AGBL4: variants seen among roughly 807,000 people sequenced by gnomAD.
The protein encoded by AGBL4 is AGBL carboxypeptidase 4.
AGBL4 carries 58 observed loss-of-function variants against 66.4 expected under a neutral mutation model. The ratio of observed to expected loss-of-function variants is 0.87; its 90% CI spans 0.71 to 1.09. The LOEUF is 1.09. AGBL4 is among the 50% of genes least tolerant of loss of function. AGBL4 has a pLI of 0.00. For missense variants in AGBL4, 579 were observed against 631.0 expected (o/e 0.92, Z 0.88); for synonymous variants, 234 against 222.9 (o/e 1.05, Z -0.44).
rs550525079 is a variant in AGBL4, at chr1:49,533,777, C to T, written c.282+163536G>A. 1.1e-4 allele frequency among the ~76,000 whole-genome samples: 16 copies of T among 152,102 alleles called. No homozygotes were observed. The South Asian group carries it at 3.3e-3, about 32-fold the overall frequency. ...TTGCCCGCTTCAACATCCACAAATTCCCTCATATTCTTGTCTGCTGGGTTT... is the reference window on the plus strand; with the variant it reads ...TTGCCCGCTTCAACATCCACAAATTTCCTCATATTCTTGTCTGCTGGGTTT... On this transcript the variant is annotated intron_variant, in intron 3 of 13. Transcript: ENST00000371839.
chr1:49,663,397 G>A (rs563775808), intron 3 of AGBL4, among the ~76,000 whole-genome samples: 44 of 152,132 alleles, frequency 2.9e-4, no homozygotes, highest in African/African-American at 1.0e-3. Flanking sequence ...AAAGTGGGTC[G>A]GATTTTTCAA....
chr1:48,818,156 T>A lies in AGBL4; in HGVS notation c.634+49035A>T, dbSNP rs778827645. 13 of 715,540 alleles carry A rather than the reference T, an allele frequency of 1.8e-5. No homozygotes were observed. The South Asian group carries it at 1.9e-4, about 11-fold the overall frequency. The allele number at this position is 715,540 out of a possible 1,614,324, so 44.3% of individuals were successfully genotyped here. A position where few individuals can be genotyped will look rare whatever the true frequency, so the allele number is the denominator to read the frequency against. On this transcript the variant is annotated intron_variant, in intron 6 of 13. Coordinates refer to ENST00000371839, the MANE Select transcript of AGBL4 (RefSeq NM_032785.4). ...GAGATTAGGTCAAATTCATATCTGA[T>A]AGTCAAATTTGGAAAGGCCACCATT...
intron 6 of AGBL4, among the ~76,000 whole-genome samples, chr1:48,838,343 T>C (rs1350246815): frequency 6.6e-6 from 1 of 151,988 alleles, no homozygotes; most frequent in African/African-American, 2.4e-5. Flanking sequence ...AAAACAGACA[T>C]ATAGACCAGT....
At chr1:48,611,559 C>G (rs1341378268) in intron 9 of AGBL4, among the ~76,000 whole-genome samples, 1 of 152,218 alleles carries the variant, frequency 6.6e-6, no homozygotes, top group Admixed American at 6.5e-5. Flanking sequence ...TAGTACCCGG[C>G]TAGCTGTTAG....
At chr1:49,514,968 C>G (rs61783603) in intron 3 of AGBL4, among the ~76,000 whole-genome samples, 1 of 151,956 alleles carries the variant, frequency 6.6e-6, no homozygotes, top group African/African-American at 2.4e-5. Context: ...ATTCAGGACA[C>G]AGGCATGGGC....
At chr1:50,010,864 A>C (rs1661481980) in intron 1 of AGBL4, among the ~76,000 whole-genome samples, 1 of 152,212 alleles carries the variant, frequency 6.6e-6, no homozygotes, top group East Asian at 1.9e-4. Context: ...CTATAAAACT[A>C]CTACAAGAAA....
intron 5 of AGBL4, among the ~76,000 whole-genome samples, chr1:49,029,173 T>C (rs2149032677): frequency 6.6e-6 from 1 of 152,264 alleles, no homozygotes; most frequent in South Asian, 2.1e-4. Context: ...AGTCTGCTCT[T>C]GCCACTTCTA....
At chr1:50,021,778 T>A (rs568108313) in intron 1 of AGBL4, among the ~76,000 whole-genome samples, 1 of 152,228 alleles carries the variant, frequency 6.6e-6, no homozygotes, top group East Asian at 1.9e-4. Context: ...CTCTCCACAT[T>A]GTAGCCAGAG....
intron 3 of AGBL4, among the ~76,000 whole-genome samples, chr1:49,425,826 G>A (rs1365058153): frequency 1.3e-5 from 2 of 152,192 alleles, no homozygotes; most frequent in African/African-American, 4.8e-5. Flanking sequence ...AATGTAAAGT[G>A]CATGGTACAG....
intron 3 of AGBL4, among the ~76,000 whole-genome samples, chr1:49,639,197 C>G (rs1188077302): frequency 6.6e-6 from 1 of 152,098 alleles, no homozygotes; most frequent in Non-Finnish European, 1.5e-5. Flanking sequence ...GGCATAACAC[C>G]AATAACATAG....
intron 8 of AGBL4, among the ~76,000 whole-genome samples, chr1:48,640,021 T>C (rs1645729512): frequency 6.6e-6 from 1 of 152,200 alleles, no homozygotes; most frequent in Non-Finnish European, 1.5e-5. Flanking sequence ...TGCAAAATCC[T>C]GGGTCCCTGC....
At chr1:49,229,495 C>G (rs1458332397) in intron 4 of AGBL4, among the ~76,000 whole-genome samples, 1 of 152,148 alleles carries the variant, frequency 6.6e-6, no homozygotes, top group Non-Finnish European at 1.5e-5. Flanking sequence ...AGGGTAAGAA[C>G]CACGCAGGTT....
At chr1:49,714,208 T>C (rs1045070053) in intron 2 of AGBL4, among the ~76,000 whole-genome samples, 4 of 152,126 alleles carry the variant, frequency 2.6e-5, no homozygotes, top group Non-Finnish European at 5.9e-5. Context: ...GATTGCCTGA[T>C]ATTTTAAAAT....
intron 6 of AGBL4, among the ~76,000 whole-genome samples, chr1:48,734,260 G>T (rs972896912): frequency 4.6e-5 from 7 of 152,206 alleles, no homozygotes; most frequent in African/African-American, 1.4e-4. Context: ...GTCGGCGGGT[G>T]TGTGTTTGAA....
chr1:49,975,833 GTTA>G (rs1658511072), intron 1 of AGBL4, among the ~76,000 whole-genome samples: 1 of 152,152 alleles, frequency 6.6e-6, no homozygotes, highest in Non-Finnish European at 1.5e-5. Context: ...GATAGCTTCT[GTTA>G]TTATTATTAC....
intron 3 of AGBL4, among the ~76,000 whole-genome samples, chr1:49,471,021 A>C (rs1363264723): frequency 6.6e-6 from 1 of 152,018 alleles, no homozygotes; most frequent in Non-Finnish European, 1.5e-5. Flanking sequence ...GCTTTTATAG[A>C]TGCTCTGTGT....
chr1:48,728,482 C>CTTT (rs11441549), intron 6 of AGBL4, among the ~76,000 whole-genome samples: 3 of 137,126 alleles, frequency 2.2e-5, no homozygotes, highest in Non-Finnish European at 3.1e-5. Flanking sequence ...TTCTGACTTG[C>CTTT]TTTTTTTTTT....
chr1:48,726,416 A>G (rs58848747), intron 6 of AGBL4, among the ~76,000 whole-genome samples: 6,266 of 152,264 alleles, frequency 0.041, 452 homozygotes, highest in African/African-American at 0.14. Context: ...CCTTAAATGA[A>G]CATATCTTAT....
chr1:49,142,146 T>C (rs1358651768), intron 4 of AGBL4, among the ~76,000 whole-genome samples: 2 of 152,120 alleles, frequency 1.3e-5, no homozygotes, highest in African/African-American at 4.8e-5. Context: ...ATCTAATGAA[T>C]GCCTGATGAT....
Sources: gnomAD v4.1 joint callset for allele counts (sites outside exome capture counted in the v4.1 genomes callset) on GRCh38, gnomAD v4.1.1 for gene constraint, MANE v1.5 for transcripts, NCBI Gene and HGNC (gene_info 2026-07-23, HGNC 2026-07-21) for gene names.